PDE10A: variants seen among roughly 807,000 people sequenced by gnomAD.
The protein encoded by PDE10A is cAMP and cAMP-inhibited cGMP 3',5'-cyclic phosphodiesterase 10A.
In PDE10A, 39 loss-of-function variants were observed where a neutral mutation model predicts 97.7. The observed-to-expected ratio is 0.40, with a 90% CI of 0.31 to 0.52. PDE10A has a LOEUF of 0.52. Ranked by LOEUF, PDE10A falls within the 20% of genes least tolerant of loss-of-function variation. PDE10A has a pLI of 0.56. For synonymous variants in PDE10A, 371 were observed against 376.8 expected, an observed-to-expected ratio of 0.98 and a Z score of 0.18; for missense variants, 731 against 1,047.8, an observed-to-expected ratio of 0.70 and a Z score of 4.17.
At chr6:165,413,146 CAAAT>C (rs745875148) in intron 13 of PDE10A, among the ~76,000 whole-genome samples, 4 of 152,050 alleles carry the variant, frequency 2.6e-5, no homozygotes, top group Admixed American at 1.3e-4. Flanking sequence ...GTAAGGATCT[CAAAT>C]GAATGCATTT....
At chr6:165,565,710 T>C (rs981016963) in intron 1 of PDE10A, among the ~76,000 whole-genome samples, 2 of 152,078 alleles carry the variant, frequency 1.3e-5, no homozygotes, top group African/African-American at 4.8e-5. Flanking sequence ...CAAAACAGTG[T>C]GGTTATTAGG....
intron 1 of PDE10A, among the ~76,000 whole-genome samples, chr6:165,568,022 G>A (rs1390414003): frequency 2.0e-4 from 20 of 100,656 alleles, no homozygotes; most frequent in African/African-American, 5.6e-4. Context: ...TTTTTGAGAC[G>A]GAGTCTCGCT....
chr6:165,884,110 CAGG>C (rs1781565371), intron 1 of PDE10A, among the ~76,000 whole-genome samples: 1 of 152,068 alleles, frequency 6.6e-6, no homozygotes, highest in African/African-American at 2.4e-5. Context: ...CGTGTTTAAA[CAGG>C]AGGTCACCCA....
At chr6:165,462,162 T>C (rs1778363639) in intron 3 of PDE10A, among the ~76,000 whole-genome samples, 1 of 152,230 alleles carries the variant, frequency 6.6e-6, no homozygotes, top group South Asian at 2.1e-4. Flanking sequence ...CTATGTGGAA[T>C]ATTAAACACA....
rs1789929324 is a variant in PDE10A, at chr6:165,435,380, A to G, written c.1195-3T>C. 1.2e-6 allele frequency: 2 copies of G among 1,611,054 alleles called. No homozygotes were observed. Among genetic ancestry groups the G allele is most frequent in the Non-Finnish European group, 1.7e-6 (2 of 1,178,944 alleles). On this transcript the variant is annotated splice_polypyrimidine_tract_variant and splice_region_variant and intron_variant, in intron 5 of 21. Coordinates refer to ENST00000539869, the MANE Select transcript of PDE10A (RefSeq NM_001385079.1). ...GGTGGCGTGAATATACACAGGCTCT[A>G]GGGAGAAGAAAAGATGTTTTACAGA...
chr6:165,843,808 G>A (rs1780328504), intron 1 of PDE10A, among the ~76,000 whole-genome samples: 1 of 152,230 alleles, frequency 6.6e-6, no homozygotes, highest in Non-Finnish European at 1.5e-5. Context: ...CTATCCCGGA[G>A]GGGCAGGGCA....
intron 1 of PDE10A, among the ~76,000 whole-genome samples, chr6:165,869,987 A>C (rs1417262596): frequency 6.6e-6 from 1 of 152,206 alleles, no homozygotes; most frequent in African/African-American, 2.4e-5. Flanking sequence ...AAAAACCATG[A>C]AACTGCTGGA....
chr6:165,525,602 C>T (rs915542170), intron 2 of PDE10A, among the ~76,000 whole-genome samples: 1 of 152,138 alleles, frequency 6.6e-6, no homozygotes, highest in African/African-American at 2.4e-5. Context: ...GAGGGCAGCA[C>T]CTGCATCTTT....
At chr6:165,501,682 T>C (rs1780898998) in intron 2 of PDE10A, among the ~76,000 whole-genome samples, 1 of 151,882 alleles carries the variant, frequency 6.6e-6, no homozygotes, top group South Asian at 2.1e-4. Context: ...CCTAAATAAA[T>C]AGTTAAGGAT....
chr6:165,836,067 G>A (rs990627180), intron 1 of PDE10A, among the ~76,000 whole-genome samples: 4 of 152,180 alleles, frequency 2.6e-5, no homozygotes, highest in East Asian at 3.9e-4. Flanking sequence ...AAACGCTTTC[G>A]CTGTTTTCTC....
At chr6:165,610,383 T>A (rs1188908578) in intron 1 of PDE10A, among the ~76,000 whole-genome samples, 13 of 152,072 alleles carry the variant, frequency 8.5e-5, no homozygotes, top group Admixed American at 7.2e-4. Flanking sequence ...TACAAAAAAC[T>A]AGCTGGGCAT....
chr6:165,433,213 G>A lies in PDE10A; in HGVS notation c.1336-84C>T, dbSNP rs987527097. On this transcript the variant is annotated intron_variant, in intron 6 of 21. Coordinates refer to ENST00000539869, the MANE Select transcript of PDE10A (RefSeq NM_001385079.1). ...TCTTATTTCTATCAGAAATTGCCATGATACTTGTAATCAATAATAAGCAGT... is the reference window on the plus strand; with the variant it reads ...TCTTATTTCTATCAGAAATTGCCATAATACTTGTAATCAATAATAAGCAGT... 6.8e-6 allele frequency: 7 copies of A among 1,024,670 alleles called. No individual in the cohort carries two copies. In the East Asian group the frequency reaches 1.2e-4, roughly 18 times the overall value. 63.5% of individuals were successfully genotyped at this position (1,024,670 alleles called of 1,614,324 possible).
intron 1 of PDE10A, among the ~76,000 whole-genome samples, chr6:165,549,260 A>C (rs1783891397): frequency 6.6e-6 from 1 of 152,220 alleles, no homozygotes; most frequent in Non-Finnish European, 1.5e-5. Flanking sequence ...CAAACATATA[A>C]GGTGGGTTTC....
In PDE10A at chr6:165,842,644, C is replaced by T. The variant is rs148669398; in HGVS notation, c.-615+144885G>A. Among the ~76,000 whole-genome samples the T allele has an allele frequency of 2.8e-4, 42 of 152,286 alleles. No individual in the cohort carries two copies. In the East Asian group the frequency reaches 7.3e-3, roughly 27 times the overall value. ...AGTGATGTTTGCTGCAATACATCAGCGTTTATTGTGGGCCAAGGACGGTCA... is the reference window on the plus strand; with the variant it reads ...AGTGATGTTTGCTGCAATACATCAGTGTTTATTGTGGGCCAAGGACGGTCA... On this transcript the variant is annotated intron_variant, in intron 1 of 19. Coordinates refer to the PDE10A transcript ENST00000366882.
intron 1 of PDE10A, among the ~76,000 whole-genome samples, chr6:165,686,396 T>G (rs1791118838): frequency 1.3e-5 from 2 of 152,172 alleles, no homozygotes; most frequent in African/African-American, 4.8e-5. Context: ...TTCTCCTCTT[T>G]GCAGCGCTTG....
intron 1 of PDE10A, among the ~76,000 whole-genome samples, chr6:165,941,801 A>G (rs1783532646): frequency 1.3e-5 from 2 of 152,136 alleles, no homozygotes. Flanking sequence ...TTTTCTTTAT[A>G]AATTTCCCAG....
intron 18 of PDE10A, among the ~76,000 whole-genome samples, chr6:165,356,876 C>T (rs1783061150): frequency 6.6e-6 from 1 of 151,988 alleles, no homozygotes; most frequent in South Asian, 2.1e-4. Flanking sequence ...GTCAGATTTA[C>T]TTTTTTCTTT....
intron 1 of PDE10A, among the ~76,000 whole-genome samples, chr6:165,980,069 A>G (rs1784966512): frequency 6.6e-6 from 1 of 152,212 alleles, no homozygotes; most frequent in Non-Finnish European, 1.5e-5. Context: ...GCAGGAGAAG[A>G]AAAAAAGTTG....
chr6:165,353,506 G>A (rs984052449), intron 18 of PDE10A, among the ~76,000 whole-genome samples: 32 of 152,196 alleles, frequency 2.1e-4, no homozygotes, highest in African/African-American at 7.5e-4. Context: ...AGATGAATGG[G>A]TAAATAAATG....
Sources: allele counts gnomAD v4.1 joint callset (sites outside exome capture counted in the v4.1 genomes callset), GRCh38; gene constraint gnomAD v4.1.1; transcripts MANE v1.5; gene names NCBI Gene and HGNC (gene_info 2026-07-23, HGNC 2026-07-21).